Variants in PIK3R5 observed in about 807,000 individuals in gnomAD.
PIK3R5 encodes phosphoinositide 3-kinase regulatory subunit 5.
A neutral mutation model predicts 94.9 loss-of-function variants in PIK3R5; 32 were observed. That is an observed-to-expected ratio of 0.34 (90% CI 0.25 to 0.45). The LOEUF (loss-of-function observed/expected upper bound fraction) is 0.45, where lower values mean the gene tolerates loss of function less well. Ranked by LOEUF, PIK3R5 falls within the 20% of genes least tolerant of loss-of-function variation. The probability of loss-of-function intolerance (pLI) is 1.00; values close to 1 mark genes in which losing one functional copy is unlikely to be tolerated. For synonymous variants in PIK3R5, 443 were observed against 479.4 expected (o/e 0.92, Z 0.99); for missense variants, 853 against 1,144.6 (o/e 0.75, Z 3.68).
intron 1 of PIK3R5, among the ~76,000 whole-genome samples, chr17:8,944,002 G>A (rs1439107427): frequency 2.6e-5 from 4 of 151,876 alleles, no homozygotes; most frequent in Admixed American, 2.6e-4. Flanking sequence ...ACTAAGCTTA[G>A]TACCCAATAG....
chr17:8,953,802 T>C (rs1475169536), intron 1 of PIK3R5, among the ~76,000 whole-genome samples: 1 of 152,162 alleles, frequency 6.6e-6, no homozygotes, highest in Non-Finnish European at 1.5e-5. Flanking sequence ...CAACAAGGGC[T>C]CTGGACACAA....
chr17:8,919,155 C>T (rs181621556), intron 1 of PIK3R5, among the ~76,000 whole-genome samples: 2 of 152,232 alleles, frequency 1.3e-5, no homozygotes, highest in East Asian at 1.9e-4. Context: ...AGAAAGAGAA[C>T]ATTAGGGGGA....
intron 1 of PIK3R5, among the ~76,000 whole-genome samples, chr17:8,923,434 AC>A (rs1215102035): frequency 6.6e-6 from 1 of 152,132 alleles, no homozygotes; most frequent in East Asian, 1.9e-4. Context: ...GACACTCCTT[AC>A]CCCCATTTTA....
In PIK3R5 at chr17:8,951,220, A is replaced by C. The variant is rs540660883; in HGVS notation, c.-14+14376T>G. Among the ~76,000 whole-genome samples, 47 of 152,310 alleles carry C rather than the reference A, an allele frequency of 3.1e-4. No individual in the cohort carries two copies. The South Asian group carries it at 9.5e-3, about 31-fold the overall frequency. On this transcript the variant is annotated intron_variant, in intron 1 of 18. Coordinates refer to ENST00000447110, the MANE Select transcript of PIK3R5 (RefSeq NM_001142633.3). ...GATATTAGACCTTTGACAGATGCAT[A>C]GTCTGCAAATATTTTCTCCCATTCT... is the stretch of plus-strand genomic sequence containing the variant.
intron 1 of PIK3R5, among the ~76,000 whole-genome samples, chr17:8,932,846 G>A (rs1384723118): frequency 6.6e-6 from 1 of 152,004 alleles, no homozygotes; most frequent in African/African-American, 2.4e-5. Flanking sequence ...TGGCCAAAAT[G>A]TTCCCAAATT....
intron 1 of PIK3R5, chr17:8,916,654 G>A (rs1240771172): frequency 2.0e-5 from 3 of 152,302 alleles, no homozygotes; most frequent in Non-Finnish European, 4.4e-5. Context: ...GGGGTGGGTT[G>A]GTGGGACCCC....
At chr17:8,937,107 T>G (rs2091090666) in intron 1 of PIK3R5, among the ~76,000 whole-genome samples, 1 of 152,238 alleles carries the variant, frequency 6.6e-6, no homozygotes, top group African/African-American at 2.4e-5. Context: ...TCTTGCACTC[T>G]GAAACCTTAC....
At position 8,955,194 on chromosome 17, in the gene PIK3R5, G is replaced by A. The variant is rs536370818; in HGVS notation, c.-14+10402C>T. ...TCTCAGATGGGGAGCAGCCCAGCCT[G>A]CCCGATCATCAGTCATCCAAGGCTG... On this transcript the variant is annotated intron_variant, in intron 1 of 18. Transcript: ENST00000447110. The surrounding 1 kb of genome is among the most constrained non-coding windows in gnomAD (Gnocchi z 4.4). 6.6e-6 allele frequency among the ~76,000 whole-genome samples: 1 copy of A among 152,182 alleles called. No homozygotes were observed. The highest frequency in any genetic ancestry group is 1.5e-5 in the Non-Finnish European group (1 of 68,032).
intron 1 of PIK3R5, among the ~76,000 whole-genome samples, chr17:8,950,110 G>T (rs903752309): frequency 6.6e-6 from 1 of 152,116 alleles, no homozygotes; most frequent in Non-Finnish European, 1.5e-5. Context: ...CAGCATATCT[G>T]AATTTGAGCA....
chr17:8,963,317 C>A (rs1467563788), intron 1 of PIK3R5, among the ~76,000 whole-genome samples: 1 of 152,100 alleles, frequency 6.6e-6, no homozygotes, highest in African/African-American at 2.4e-5. Context: ...CAAGCTGGGG[C>A]TTCCAAACTC....
At chr17:8,934,378 C>T (rs147898721) in intron 1 of PIK3R5, among the ~76,000 whole-genome samples, 1 of 152,008 alleles carries the variant, frequency 6.6e-6, no homozygotes. Context: ...GTGGAAAACC[C>T]CCACCATTAA....
chr17:8,905,836 T>G lies in PIK3R5; in HGVS notation c.205-99A>C, dbSNP rs909210626. The G allele has an allele frequency of 1.3e-5, 8 of 609,610 alleles. No individual in the cohort carries two copies. The African/African-American group carries it at 1.4e-4, about 10-fold the overall frequency. The allele number at this position is 609,610 out of a possible 1,614,324, so 37.8% of individuals were successfully genotyped here. A position where few individuals can be genotyped will look rare whatever the true frequency, so the allele number is the denominator to read the frequency against. On this transcript the variant is annotated intron_variant, in intron 3 of 18. Coordinates refer to ENST00000447110, the MANE Select transcript of PIK3R5 (RefSeq NM_001142633.3). Reference sequence around the variant, plus strand: ...TCTTCCTCATTCTAGCCTTTCTTTTTTTTTTTTTTTTAGGGGAAAATAGTG... The same window carrying G: ...TCTTCCTCATTCTAGCCTTTCTTTTGTTTTTTTTTTTAGGGGAAAATAGTG...
chr17:8,887,832 A>T, intron 10 of PIK3R5, 149 bp from the exon 11 acceptor site: 1 of 598,106 alleles, frequency 1.7e-6, no homozygotes, highest in Non-Finnish European at 2.7e-6. Context: ...ATCTCTACTA[A>T]GACAAAAAAA....
Position 8,889,104 on chromosome 17 carries a change from G to T in PIK3R5, c.895+35C>A. ...ACCAGAAACACAGCTCAGGCAGTGT[G>T]GGGCATGGGTGTCACCAGGGCCCCG... On this transcript the variant is annotated intron_variant, in intron 9 of 18. Coordinates refer to ENST00000447110, the MANE Select transcript of PIK3R5 (RefSeq NM_001142633.3). This position sits in a 1 kb window ranked among gnomAD's most constrained non-coding sequence, Gnocchi z 4.1. 6.3e-7 allele frequency: 1 copy of T among 1,593,064 alleles called. No homozygotes were observed. The highest frequency in any genetic ancestry group is 8.6e-7 in the Non-Finnish European group (1 of 1,165,752).
At chr17:8,914,211 A>G (rs1251487212) in intron 1 of PIK3R5, among the ~76,000 whole-genome samples, 2 of 152,100 alleles carry the variant, frequency 1.3e-5, no homozygotes, top group Non-Finnish European at 2.9e-5. Flanking sequence ...GGGAGCTCAG[A>G]GGCCTCCCCA....
At chr17:8,912,299 C>T (rs543463569) in intron 1 of PIK3R5, among the ~76,000 whole-genome samples, 5 of 152,322 alleles carry the variant, frequency 3.3e-5, no homozygotes, top group South Asian at 2.1e-4. Context: ...GGGGAAGCCA[C>T]GGAAGGTGAT....
At chr17:8,934,788 G>T (rs1567663213) in intron 1 of PIK3R5, among the ~76,000 whole-genome samples, 1 of 152,092 alleles carries the variant, frequency 6.6e-6, no homozygotes. Flanking sequence ...TTCTATGCAC[G>T]GTTGTCCCTG....
chr17:8,918,113 T>G lies in PIK3R5; in HGVS notation c.-13-6606A>C, dbSNP rs79088760. Among the ~76,000 whole-genome samples, 1,152 of 152,340 alleles carry G rather than the reference T, an allele frequency of 7.6e-3. 18 individuals carry two copies. The highest frequency in any genetic ancestry group is 0.027 in the African/African-American group (1,103 of 41,568). ...TTTAAAAAGATGTATGTGCTTGGATTAATACACATACATACATTTTCTAGT... is the reference window on the plus strand; with the variant it reads ...TTTAAAAAGATGTATGTGCTTGGATGAATACACATACATACATTTTCTAGT... On this transcript the variant is annotated intron_variant, in intron 1 of 18. Coordinates refer to ENST00000447110, the MANE Select transcript of PIK3R5 (RefSeq NM_001142633.3).
chr17:8,943,748 G>A (rs995823279), intron 1 of PIK3R5, among the ~76,000 whole-genome samples: 2 of 152,124 alleles, frequency 1.3e-5, no homozygotes, highest in African/African-American at 4.8e-5. Context: ...ACTCCAGCCT[G>A]AGTGACAGAG....
Sources: allele counts gnomAD v4.1 joint callset (sites outside exome capture counted in the v4.1 genomes callset), GRCh38; gene constraint gnomAD v4.1.1; non-coding constraint Gnocchi (gnomAD v3.1); transcripts MANE v1.5; gene names NCBI Gene and HGNC (gene_info 2026-07-23, HGNC 2026-07-21).